Variants in CLCN6 observed in about 807,000 individuals in gnomAD.
The protein encoded by CLCN6 is Cl-/H+ antiporter 6.
A neutral mutation model predicts 109.8 loss-of-function variants in CLCN6; 70 were observed. That is an observed-to-expected ratio of 0.64 (90% CI 0.53 to 0.78). The LOEUF (loss-of-function observed/expected upper bound fraction) is 0.78. Among genes scored for constraint, CLCN6 ranks in the 30% least tolerant of loss-of-function variants. The pLI, the probability that CLCN6 is intolerant of heterozygous loss-of-function variation, is 0.00. For synonymous variants in CLCN6, 444 were observed against 447.8 expected, an observed-to-expected ratio of 0.99 and a Z score of 0.11; for missense variants, 984 against 1,142.3, an observed-to-expected ratio of 0.86 and a Z score of 2.00.
intron 5 of CLCN6, among the ~76,000 whole-genome samples, chr1:11,820,051 A>G (rs1450278674): frequency 6.6e-6 from 1 of 152,276 alleles, no homozygotes; most frequent in Non-Finnish European, 1.5e-5. Context: ...ATACCTAGAC[A>G]GTGGAAAATG....
chr1:11,829,295 A>T lies in CLCN6; in HGVS notation c.1221A>T (p.Gln407His). The T allele has an allele frequency of 1.2e-6, 2 of 1,614,096 alleles. No individual in the cohort carries two copies. The highest frequency in any genetic ancestry group is 2.7e-5 in the African/African-American group (2 of 75,026). Residue 407 changes from glutamine to histidine, a missense_variant, in exon 13 of 23, where the codon CAA becomes CAT. By Grantham distance (24) the Gln-to-His change is conservative (BLOSUM62 0). Transcript: ENST00000346436. ...GECRQMSSSS[Q>H]IGNDSFQLQV... ...GCCGACAGATGTCCTCTTCGAGTCA[A>T]ATCGGTAATGACTCATTCCAGCTCC...
rs140999112 is a variant in CLCN6 at position 11,820,325 on chromosome 1, A to G, written c.346+771A>G. The G allele has an allele frequency of 8.3e-3, 5,874 of 711,548 alleles. 43 individuals are homozygous for G. Among genetic ancestry groups the G allele is most frequent in the Non-Finnish European group, 0.011 (4,127 of 382,254 alleles). 44.1% of individuals were successfully genotyped at this position (711,548 alleles called of 1,614,324 possible). A position where few individuals can be genotyped will look rare whatever the true frequency, so the allele number is the denominator to read the frequency against. On this transcript the variant is annotated intron_variant, in intron 5 of 22. Coordinates refer to ENST00000346436, the MANE Select transcript of CLCN6 (RefSeq NM_001286.5). The stretch of plus-strand genomic sequence containing the variant: ...GCTGGGACATGGGTGATCCATATGG[A>G]AAAATAGTTATATTCCTATTTCATA...
At chr1:11,838,286 G>C (rs1257336710) in intron 20 of CLCN6, 49 bp from the exon 21 acceptor site, 1 of 1,545,034 alleles carries the variant, frequency 6.5e-7, no homozygotes. Flanking sequence ...AGGTGACCCT[G>C]CTGGCCACTG....
intron 4 of CLCN6, among the ~76,000 whole-genome samples, chr1:11,819,246 C>A (rs758814703): frequency 1.3e-5 from 2 of 152,176 alleles, no homozygotes; most frequent in Non-Finnish European, 2.9e-5. Context: ...CTTTGTTTTC[C>A]GTTGCTTCAC....
At chr1:11,827,316 T>TA (rs1553119792) in intron 10 of CLCN6, 95 bp downstream of exon 10, 2 of 1,219,544 alleles carry the variant, frequency 1.6e-6, no homozygotes, top group Non-Finnish European at 2.2e-6. Context: ...TTGATGAGAC[T>TA]GGGGGGTCAA....
intron 2 of CLCN6, among the ~76,000 whole-genome samples, chr1:11,812,664 T>TTGTG (rs61487985): frequency 0.11 from 13,445 of 126,882 alleles, 895 homozygotes; most frequent in South Asian, 0.11. Flanking sequence ...CAAAGTATGT[T>TTGTG]TGTGTGTGTG....
In CLCN6 at chr1:11,806,273, G is replaced by T; in HGVS notation, c.11G>T (p.Cys4Phe). The change falls in exon 1 of 23, where the codon TGC becomes TTC. Residue 4 changes from cysteine (C) to phenylalanine (F), a missense_variant. Physicochemically the swap from Cys to Phe is radical, Grantham distance 205. Coordinates refer to ENST00000346436, the MANE Select transcript of CLCN6 (RefSeq NM_001286.5). ...CAGTAAAGGAGGAAGATGGCGGGGT[G>T]CAGGGGGTCTCTGTGCTGCTGCTGC... MAG[C>F]RGSLCCCCRW... The T allele has an allele frequency of 6.7e-7, 1 of 1,487,974 alleles. No individual in the cohort carries two copies. The highest frequency in any genetic ancestry group is 8.9e-7 in the Non-Finnish European group (1 of 1,126,694). The allele number at this position is 1,487,974 out of a possible 1,614,324, so 92.2% of individuals were successfully genotyped here. A position where few individuals can be genotyped will look rare whatever the true frequency, so the allele number is the denominator to read the frequency against.
In CLCN6 at chr1:11,819,679, A is replaced by G; in HGVS notation, c.346+125A>G. 3.9e-6 allele frequency: 3 copies of G among 768,332 alleles called. No homozygotes were observed. In the South Asian group the frequency reaches 4.7e-5, roughly 12 times the overall value. The allele number at this position is 768,332 out of a possible 1,614,324, so 47.6% of individuals were successfully genotyped here. On this transcript the variant is annotated intron_variant, in intron 5 of 22. Coordinates refer to ENST00000346436, the MANE Select transcript of CLCN6 (RefSeq NM_001286.5). ...GCCGCTTATTAGCTATTCAGCTTTAATATTTCTAATGATCACTGAAGGACA... is the reference window on the plus strand; with the variant it reads ...GCCGCTTATTAGCTATTCAGCTTTAGTATTTCTAATGATCACTGAAGGACA...
intron 5 of CLCN6, among the ~76,000 whole-genome samples, chr1:11,821,074 C>CAAA (rs199897007): frequency 7.0e-5 from 7 of 99,792 alleles, no homozygotes; most frequent in African/African-American, 2.3e-4. Flanking sequence ...AAAACTGTCT[C>CAAA]AAAAAACAAC....
intron 2 of CLCN6, 51 bp downstream of exon 2, chr1:11,807,241 C>A: frequency 2.0e-6 from 3 of 1,488,966 alleles, no homozygotes; most frequent in South Asian, 2.3e-5. Context: ...GTGGCCTGGT[C>A]ACTTCAGGCC....
rs753976878 is a variant in CLCN6 at position 11,806,362 on chromosome 1, C to A, written c.87+13C>A. The stretch of plus-strand genomic sequence containing the variant: ...CCCCGAGGAGCTGGTAAGAAGCCGG[C>A]GGAGTCGGCCTGGGGAGGGGGCGGT... On this transcript the variant is annotated intron_variant, in intron 1 of 22. Transcript: ENST00000346436. The A allele has an allele frequency of 2.7e-6, 4 of 1,504,004 alleles. No homozygotes were observed. Among genetic ancestry groups the A allele is most frequent in the Admixed American group, 5.5e-5 (2 of 36,300 alleles). The allele number at this position is 1,504,004 out of a possible 1,614,324, so 93.2% of individuals were successfully genotyped here.
intron 13 of CLCN6, among the ~76,000 whole-genome samples, chr1:11,831,549 C>G (rs1455724224): frequency 6.6e-6 from 1 of 152,070 alleles, no homozygotes; most frequent in Non-Finnish European, 1.5e-5. Flanking sequence ...CTGTCTGGCT[C>G]TTTATGAAAA....
intron 18 of CLCN6, 119 bp downstream of exon 18, chr1:11,836,272 C>A: frequency 2.3e-6 from 2 of 875,082 alleles, no homozygotes; most frequent in Non-Finnish European, 3.5e-6. Flanking sequence ...GGGAAGTTGG[C>A]ACTGTTCTCA....
At chr1:11,826,580 T>C (rs907115574) in intron 9 of CLCN6, among the ~76,000 whole-genome samples, 3 of 152,206 alleles carry the variant, frequency 2.0e-5, no homozygotes, top group Non-Finnish European at 4.4e-5. Flanking sequence ...GTAGACTTCT[T>C]AGCCCTGTAT....
rs544699233 is a variant in CLCN6, at chr1:11,841,867, G to A, written c.*1644G>A. 6.6e-6 allele frequency: 1 copy of A among 152,180 alleles called. No homozygotes were observed. Among genetic ancestry groups the A allele is most frequent in the Non-Finnish European group, 1.5e-5 (1 of 68,030 alleles). 9.4% of individuals were successfully genotyped at this position (152,180 alleles called of 1,614,324 possible). A position where few individuals can be genotyped will look rare whatever the true frequency, so the allele number is the denominator to read the frequency against. On this transcript the variant is annotated 3_prime_UTR_variant, in exon 23 of 23. Coordinates refer to ENST00000346436, the MANE Select transcript of CLCN6 (RefSeq NM_001286.5). ...TTTTCTTATCTCCCTGACCAAAATT[G>A]CTTTGACTTCTAAATGTTTCTGCTT...
intron 4 of CLCN6, among the ~76,000 whole-genome samples, chr1:11,817,267 C>A (rs904600676): frequency 9.9e-5 from 15 of 152,090 alleles, no homozygotes; most frequent in Admixed American, 7.9e-4. Flanking sequence ...AGGGAAAAAG[C>A]GAAGTCGTGG....
At chr1:11,816,214 G>A (rs191685711) in intron 3 of CLCN6, among the ~76,000 whole-genome samples, 148 of 152,230 alleles carry the variant, frequency 9.7e-4, no homozygotes, top group Admixed American at 2.7e-3. Flanking sequence ...ATTTTTGTAG[G>A]CATAATGCTA....
chr1:11,823,960 TG>T, intron 7 of CLCN6, 127 bp downstream of exon 7: 1 of 1,180,140 alleles, frequency 8.5e-7, no homozygotes, highest in East Asian at 2.4e-5. Flanking sequence ...CTGCACTTTT[TG>T]TTGATGGGCT....
rs1645045516 is a variant in CLCN6, at chr1:11,843,098, C to G, written c.*2875C>G. 6.6e-6 allele frequency: 1 copy of G among 152,164 alleles called. No individual in the cohort carries two copies. Among genetic ancestry groups the G allele is most frequent in the Non-Finnish European group, 1.5e-5 (1 of 68,022 alleles). 9.4% of individuals were successfully genotyped at this position (152,164 alleles called of 1,614,324 possible). On this transcript the variant is annotated 3_prime_UTR_variant, in exon 23 of 23. Transcript: ENST00000346436. ...GGAACTTGGGAGTTCTCATTGTAAC[C>G]CTAACATGTGAGAATAAAATGTCTT...
Sources: gnomAD v4.1 joint callset for allele counts (sites outside exome capture counted in the v4.1 genomes callset) on GRCh38, gnomAD v4.1.1 for gene constraint, MANE v1.5 for transcripts, NCBI Gene and HGNC (gene_info 2026-07-23, HGNC 2026-07-21) for gene names.